The following SLC5A1 variants were observed in gnomAD, a reference collection of about 807,000 sequenced individuals.
The protein encoded by SLC5A1 is sodium/glucose cotransporter 1.
In SLC5A1, 42 loss-of-function variants were observed where a neutral mutation model predicts 73.5. That is an observed-to-expected ratio of 0.57 (90% confidence interval 0.45 to 0.74). The LOEUF is 0.74. SLC5A1 is among the 30% of genes least tolerant of loss of function. SLC5A1 has a pLI of 0.00. For synonymous variants in SLC5A1, 300 were observed against 317.4 expected, an observed-to-expected ratio of 0.95 and a Z score of 0.58; for missense variants, 634 against 855.4, an observed-to-expected ratio of 0.74 and a Z score of 3.23.
At chr22:32,049,817 G>A (rs989771618) in intron 1 of SLC5A1, 126 bp from the exon 2 acceptor site, 39 of 807,876 alleles carry the variant, frequency 4.8e-5, no homozygotes, top group Admixed American at 4.1e-4. Context: ...GGGGAAGAAG[G>A]AATGTGAAAG....
At chr22:32,045,629 C>A (rs1205903619) in intron 1 of SLC5A1, among the ~76,000 whole-genome samples, 2 of 152,248 alleles carry the variant, frequency 1.3e-5, no homozygotes, top group African/African-American at 2.4e-5. Context: ...TCTATCTCTT[C>A]CAACATTATT....
At chr22:32,099,464 C>CG (rs948912232) in intron 12 of SLC5A1, 113 bp downstream of exon 12, 2 of 1,056,986 alleles carry the variant, frequency 1.9e-6, no homozygotes, top group Middle Eastern at 3.0e-4. Context: ...TGAGCAGACA[C>CG]GGATGTGCTG....
At chr22:32,055,806 A>G (rs549622304) in intron 2 of SLC5A1, among the ~76,000 whole-genome samples, 6 of 152,212 alleles carry the variant, frequency 3.9e-5, no homozygotes, top group African/African-American at 9.6e-5. Flanking sequence ...AATGAAATAC[A>G]TGGTCCAACC....
intron 2 of SLC5A1, among the ~76,000 whole-genome samples, chr22:32,060,014 TACACACACACACACACAC>T (rs58053068): frequency 3.0e-4 from 41 of 137,602 alleles, no homozygotes; most frequent in Non-Finnish European, 5.0e-4. Flanking sequence ...GCCATGGTTA[TACACACACACACACACAC>T]ACACACACAC....
In SLC5A1 at chr22:32,067,967, G is replaced by T; in HGVS notation, c.313G>T (p.Ala105Ser). The T allele has an allele frequency of 6.2e-7, 1 of 1,614,112 alleles. No individual in the cohort carries two copies. The highest frequency in any genetic ancestry group is 8.5e-7 in the Non-Finnish European group (1 of 1,179,998). The change falls in exon 4 of 15, where the codon GCC (alanine) becomes TCC (serine). Residue 105 changes from alanine (A) to serine (S), a missense_variant and splice_region_variant. Ala to Ser is a moderately conservative substitution (Grantham distance 99, BLOSUM62 1). Transcript: ENST00000266088. ...AGTCCACCTTTTGTGTTCATTTCAG[G>T]CCCTGGTTTTGGTGGTTGTGCTGGG... Reference protein sequence around the residue: ...GIAIGGFEWNALVLVVVLGWL... With the variant: ...GIAIGGFEWNSLVLVVVLGWL...
At chr22:32,053,787 T>C (rs1345733040) in intron 2 of SLC5A1, among the ~76,000 whole-genome samples, 2 of 152,336 alleles carry the variant, frequency 1.3e-5, no homozygotes, top group East Asian at 1.9e-4. Context: ...ATTAGAAATA[T>C]ATCTGGGATT....
chr22:32,099,280 A>G lies in SLC5A1; in HGVS notation c.1378A>G (p.Thr460Ala), dbSNP rs886556893. The G allele has an allele frequency of 6.2e-7, 1 of 1,613,602 alleles. No homozygotes were observed. ...ACTCTTCGATTACATCCAGTCCATC[A>G]CCAGTTACTTGGGACCACCCATTGC... is the stretch of plus-strand genomic sequence containing the variant. The part of the protein sequence containing the change: ...GQLFDYIQSI[T>A]SYLGPPIAAV... Residue 460 changes from threonine to alanine, a missense_variant, in exon 12 of 15, where the codon ACC becomes GCC. Thr to Ala is a moderately conservative substitution (Grantham distance 58). Around this residue, in one of 3 missense-constraint regions of SLC5A1, gnomAD observed 422 missense variants for 626.1 expected, o/e 0.67. Coordinates refer to ENST00000266088, the MANE Select transcript of SLC5A1 (RefSeq NM_000343.4).
Position 32,043,495 on chromosome 22 carries a change from C to A in SLC5A1, c.135+79C>A. 2 of 1,490,752 alleles carry A rather than the reference C, an allele frequency of 1.3e-6. No homozygotes were observed. The highest frequency in any genetic ancestry group is 1.9e-6 in the Non-Finnish European group (2 of 1,078,328). 92.3% of individuals were successfully genotyped at this position (1,490,752 alleles called of 1,614,324 possible). ...AATGGCCTCGCTGAGCTGCAAGGGG[C>A]AGTAGGCTTAAGTGTCGGTGGAGGG... On this transcript the variant is annotated intron_variant, in intron 1 of 14. Transcript: ENST00000266088. The surrounding 1 kb of genome is among the most constrained non-coding windows in gnomAD (Gnocchi z 6.5).
At position 32,099,230 on chromosome 22, in the gene SLC5A1, T is replaced by C. The variant is rs565408081; in HGVS notation, c.1328T>C (p.Ile443Thr). Residue 443 changes from isoleucine (I) to threonine (T), a missense_variant, in exon 12 of 15, where the codon ATT becomes ACT. By Grantham distance (89) the Ile-to-Thr change is moderately conservative. Transcript: ENST00000266088. ...GGCATCAGCATCGCCTGGGTGCCCA[T>C]TGTGCAGTCAGCACAAAGTGGGCAA... Reference protein sequence around the residue: ...LIGISIAWVPIVQSAQSGQLF... With the variant: ...LIGISIAWVPTVQSAQSGQLF... The C allele has an allele frequency of 1.1e-5, 17 of 1,612,714 alleles. No homozygotes were observed. The highest frequency in any genetic ancestry group is 1.3e-5 in the African/African-American group (1 of 74,920).
At chr22:32,060,066 C>CAT (rs200322591) in intron 2 of SLC5A1, among the ~76,000 whole-genome samples, 6 of 145,932 alleles carry the variant, frequency 4.1e-5, no homozygotes, top group African/African-American at 7.7e-5. Flanking sequence ...TATACACACA[C>CAT]ATATATATAT....
intron 11 of SLC5A1, among the ~76,000 whole-genome samples, chr22:32,098,445 TGAA>T (rs1250063254): frequency 6.6e-6 from 1 of 152,192 alleles, no homozygotes; most frequent in Non-Finnish European, 1.5e-5. Context: ...AGTTTACAGA[TGAA>T]GAACTTGAGA....
intron 10 of SLC5A1, among the ~76,000 whole-genome samples, chr22:32,090,115 A>C (rs946349597): frequency 6.6e-5 from 10 of 152,034 alleles, no homozygotes; most frequent in East Asian, 1.9e-4. Flanking sequence ...AAAAAAAAAA[A>C]AACAAAAAAA....
intron 6 of SLC5A1, 99 bp downstream of exon 6, chr22:32,082,070 G>A: frequency 1.2e-6 from 1 of 816,438 alleles, no homozygotes; most frequent in Non-Finnish European, 2.2e-6. Context: ...TCTTCTTGAG[G>A]AGAGATACAC....
intron 10 of SLC5A1, among the ~76,000 whole-genome samples, chr22:32,090,223 ACT>A (rs1215595638): frequency 6.6e-6 from 1 of 152,142 alleles, no homozygotes; most frequent in African/African-American, 2.4e-5. Flanking sequence ...TGCAAGCATC[ACT>A]GAAATAAATT....
intron 11 of SLC5A1, among the ~76,000 whole-genome samples, chr22:32,092,960 T>C (rs2094020455): frequency 6.6e-6 from 1 of 152,228 alleles, no homozygotes. Context: ...CCTTGAATTA[T>C]CTCAAGTTGA....
intron 12 of SLC5A1, 139 bp from the exon 13 acceptor site, chr22:32,101,883 T>A (rs2094037021): frequency 1.4e-6 from 1 of 712,966 alleles, no homozygotes; most frequent in Non-Finnish European, 2.6e-6. Flanking sequence ...AACTTCAGTG[T>A]TCTGGGTTCA....
At chr22:32,085,071 C>A in intron 9 of SLC5A1, 36 bp downstream of exon 9, 1 of 1,613,334 alleles carries the variant, frequency 6.2e-7, no homozygotes, top group Non-Finnish European at 8.5e-7. Context: ...ACCACTCTCC[C>A]TTTTTCTGTC....
chr22:32,054,836 C>A (rs575906639), intron 2 of SLC5A1, among the ~76,000 whole-genome samples: 1 of 152,196 alleles, frequency 6.6e-6, no homozygotes, highest in East Asian at 1.9e-4. Context: ...CCAAGCCTGG[C>A]TAATTTTTTT....
intron 2 of SLC5A1, chr22:32,059,032 C>A: frequency 1.2e-6 from 1 of 850,678 alleles, no homozygotes; most frequent in Non-Finnish European, 1.4e-6. Context: ...CACTTACTCA[C>A]TCAGCAGATC....
Sources: gnomAD v4.1 joint callset for allele counts (sites outside exome capture counted in the v4.1 genomes callset) on GRCh38, gnomAD v4.1.1 for gene constraint, gnomAD v4.1.1 regional missense constraint, Gnocchi (gnomAD v3.1) non-coding constraint, MANE v1.5 for transcripts, NCBI Gene and HGNC (gene_info 2026-07-23, HGNC 2026-07-21) for gene names.